IL6R: variants seen among roughly 807,000 people sequenced by gnomAD.
The protein encoded by IL6R is interleukin 6 receptor.
In IL6R, 38 loss-of-function variants were observed where a neutral mutation model predicts 48.3. The observed-to-expected ratio is 0.79, with a 90% CI of 0.61 to 1.03. IL6R has a LOEUF of 1.03. IL6R is among the 50% of genes least tolerant of loss of function. IL6R has a pLI of 0.00. For synonymous variants in IL6R, 264 were observed against 256.2 expected (o/e 1.03, Z -0.29); for missense variants, 534 against 618.3 (o/e 0.86, Z 1.45).
At chr1:154,448,056 G>T in intron 6 of IL6R, 69 bp from the exon 7 acceptor site, 10 of 1,270,858 alleles carry the variant, frequency 7.9e-6, no homozygotes, top group Admixed American at 7.7e-5. Flanking sequence ...TTTTTCTGAT[G>T]CTGAAGCCCC....
intron 6 of IL6R, chr1:154,437,365 G>A (rs1301320138): frequency 6.6e-6 from 2 of 302,940 alleles, no homozygotes; most frequent in African/African-American, 4.4e-5. Context: ...CCAAAGTGCT[G>A]GGATTATAGG....
intron 1 of IL6R, among the ~76,000 whole-genome samples, chr1:154,428,032 C>A (rs1401477672): frequency 6.6e-6 from 1 of 152,090 alleles, no homozygotes; most frequent in African/African-American, 2.4e-5. Flanking sequence ...TTCAAAGGAC[C>A]AAGTGTGCTT....
chr1:154,434,013 C>T (rs1689460308), intron 3 of IL6R, among the ~76,000 whole-genome samples: 1 of 151,948 alleles, frequency 6.6e-6, no homozygotes, highest in South Asian at 2.1e-4. Flanking sequence ...AGGCGTGAGC[C>T]ACCGCGCCCG....
At chr1:154,412,036 C>T (rs1688051886) in intron 1 of IL6R, among the ~76,000 whole-genome samples, 1 of 151,314 alleles carries the variant, frequency 6.6e-6, no homozygotes, top group South Asian at 2.1e-4. Flanking sequence ...CAACATCCGC[C>T]TCCCAGGTTC....
chr1:154,448,703 T>C (rs1231691443), intron 7 of IL6R, among the ~76,000 whole-genome samples: 1 of 152,090 alleles, frequency 6.6e-6, no homozygotes, highest in African/African-American at 2.4e-5. Context: ...GTGTTCCATG[T>C]AGGAACAGCT....
rs1310761395 is a variant in IL6R, at chr1:154,437,540, A to G, written c.949+1430A>G. On this transcript the variant is annotated intron_variant, in intron 6 of 9. Transcript: ENST00000368485. ...GCAATCCTCCCGCCTCAGCCTCCTA[A>G]GTAGCTGGGACCACAGGCGTGTGCC... 17 of 430,460 alleles carry G rather than the reference A, an allele frequency of 3.9e-5. No individual in the cohort carries two copies. In the Admixed American group the frequency reaches 4.2e-4, roughly 11 times the overall value. The allele number at this position is 430,460 out of a possible 1,614,324, so 26.7% of individuals were successfully genotyped here. A position where few individuals can be genotyped will look rare whatever the true frequency, so the allele number is the denominator to read the frequency against.
intron 9 of IL6R, among the ~76,000 whole-genome samples, chr1:154,455,455 C>CTTT (rs201098458): frequency 5.5e-5 from 7 of 128,430 alleles, no homozygotes; most frequent in African/African-American, 1.2e-4. Context: ...CTTTTCTTTT[C>CTTT]TTTTTTTTTT....
intron 9 of IL6R, among the ~76,000 whole-genome samples, chr1:154,457,428 T>C (rs1376829197): frequency 6.6e-6 from 1 of 151,562 alleles, no homozygotes; most frequent in East Asian, 1.9e-4. Context: ...TCCTTAGGAA[T>C]ATTCCATGTA....
At chr1:154,446,807 T>C (rs1045050759) in intron 6 of IL6R, among the ~76,000 whole-genome samples, 1 of 152,156 alleles carries the variant, frequency 6.6e-6, no homozygotes, top group Non-Finnish European at 1.5e-5. Flanking sequence ...TCTCTGGTGA[T>C]GTGTATCTTT....
At chr1:154,415,504 A>G (rs533765747) in intron 1 of IL6R, among the ~76,000 whole-genome samples, 3 of 152,338 alleles carry the variant, frequency 2.0e-5, no homozygotes, top group East Asian at 1.9e-4. Flanking sequence ...CTGAGGCCCA[A>G]TTGTCTGGAC....
intron 9 of IL6R, among the ~76,000 whole-genome samples, chr1:154,455,250 G>A (rs1002344281): frequency 6.6e-6 from 1 of 151,610 alleles, no homozygotes; most frequent in Non-Finnish European, 1.5e-5. Flanking sequence ...CATGTAATAT[G>A]GTTGACAGCG....
At position 154,405,529 on chromosome 1, in the gene IL6R, G is replaced by GTCCC; in HGVS notation, c.-101_-100insTCCC. ...CTGCCCCCGGGGCCTGAGCCCGCCT[G>GTCCC]CCCGCCCACCGCCCCGCCCCGCCCC... On this transcript the variant is annotated 5_prime_UTR_variant, in exon 1 of 10. Coordinates refer to ENST00000368485, the MANE Select transcript of IL6R (RefSeq NM_000565.4). The surrounding 1 kb of genome is among the most constrained non-coding windows in gnomAD (Gnocchi z 5.2). 72 of 388,508 alleles carry GTCCC rather than the reference G, an allele frequency of 1.9e-4. No homozygotes were observed. Among genetic ancestry groups the GTCCC allele is most frequent in the South Asian group, 6.1e-4 (25 of 40,874 alleles). 24.1% of individuals were successfully genotyped at this position (388,508 alleles called of 1,614,324 possible). A position where few individuals can be genotyped will look rare whatever the true frequency, so the allele number is the denominator to read the frequency against.
intron 1 of IL6R, among the ~76,000 whole-genome samples, chr1:154,411,027 G>C (rs1338909982): frequency 6.6e-6 from 1 of 152,188 alleles, no homozygotes; most frequent in Non-Finnish European, 1.5e-5. Context: ...GACAAGATGA[G>C]AGGCCAGTTT....
chr1:154,443,300 C>A (rs536924238), intron 6 of IL6R, among the ~76,000 whole-genome samples: 1 of 152,206 alleles, frequency 6.6e-6, no homozygotes, highest in African/African-American at 2.4e-5. Flanking sequence ...ACTCTTTGGC[C>A]ATCCATTCTG....
intron 3 of IL6R, among the ~76,000 whole-genome samples, chr1:154,433,915 G>C (rs1379902528): frequency 1.3e-5 from 2 of 151,802 alleles, no homozygotes; most frequent in Non-Finnish European, 2.9e-5. Flanking sequence ...TTTTAGTAGA[G>C]ACAGGGTTTC....
At chr1:154,457,738 C>T (rs1230160652) in intron 9 of IL6R, among the ~76,000 whole-genome samples, 1 of 152,128 alleles carries the variant, frequency 6.6e-6, no homozygotes, top group Non-Finnish European at 1.5e-5. Context: ...AGATGTCAGG[C>T]TGGGTCTTCT....
intron 1 of IL6R, among the ~76,000 whole-genome samples, chr1:154,424,313 G>C (rs1558306160): frequency 6.6e-6 from 1 of 152,190 alleles, no homozygotes; most frequent in Non-Finnish European, 1.5e-5. Flanking sequence ...ACCATGGTCG[G>C]GGAAGGGACC....
intron 9 of IL6R, among the ~76,000 whole-genome samples, chr1:154,457,322 CAAAAA>C (rs60033332): frequency 5.1e-5 from 4 of 78,124 alleles, no homozygotes; most frequent in Admixed American, 1.6e-4. Flanking sequence ...GACTCCGTCT[CAAAAA>C]AAAAAAAAAA....
intron 3 of IL6R, 37 bp from the exon 4 acceptor site, chr1:154,434,482 T>C (rs375939905): frequency 5.0e-6 from 8 of 1,585,862 alleles, no homozygotes; most frequent in Non-Finnish European, 6.9e-6. Context: ...TGTGCGAAAC[T>C]GACAGGCAAG....
Sources: gnomAD v4.1 joint callset for allele counts (sites outside exome capture counted in the v4.1 genomes callset) on GRCh38, gnomAD v4.1.1 for gene constraint, Gnocchi (gnomAD v3.1) non-coding constraint, MANE v1.5 for transcripts, NCBI Gene and HGNC (gene_info 2026-07-23, HGNC 2026-07-21) for gene names.